Variants in BCHE observed in about 807,000 individuals in gnomAD.
BCHE encodes the protein cholinesterase.
In BCHE, 48 loss-of-function variants were observed where a neutral mutation model predicts 51.3. That is an observed-to-expected ratio of 0.94 (90% CI 0.74 to 1.19). The LOEUF is 1.19. Among genes scored for constraint, BCHE ranks in the 50% most tolerant of loss-of-function variants. BCHE has a pLI of 0.00. For missense variants in BCHE, 847 were observed against 708.2 expected (o/e 1.20, Z -2.23); for synonymous variants, 251 against 238.0 (o/e 1.05, Z -0.50).
At chr3:165,788,504 T>C (rs947711531) in intron 2 of BCHE, among the ~76,000 whole-genome samples, 34 of 152,024 alleles carry the variant, frequency 2.2e-4, no homozygotes, top group Admixed American at 2.2e-3. Context: ...TCTAGGTAAA[T>C]TATGTAGTCT....
intron 2 of BCHE, among the ~76,000 whole-genome samples, chr3:165,799,524 T>C (rs1438598653): frequency 6.6e-6 from 1 of 152,132 alleles, no homozygotes; most frequent in Non-Finnish European, 1.5e-5. Context: ...ATGTTGTATA[T>C]AGGGAAAGTA....
At chr3:165,786,054 A>T (rs1219031386) in intron 3 of BCHE, 91 bp downstream of exon 3, 16 of 1,335,096 alleles carry the variant, frequency 1.2e-5, no homozygotes, top group Admixed American at 1.7e-5. Context: ...ACATATAGTA[A>T]CTCCATCACC....
intron 2 of BCHE, among the ~76,000 whole-genome samples, chr3:165,823,476 A>T (rs1714604566): frequency 6.6e-6 from 1 of 152,098 alleles, no homozygotes; most frequent in African/African-American, 2.4e-5. Context: ...ATAATGGGCA[A>T]TGCAAACCTA....
chr3:165,803,726 T>C (rs1713756579), intron 2 of BCHE, among the ~76,000 whole-genome samples: 2 of 152,276 alleles, frequency 1.3e-5, no homozygotes, highest in South Asian at 2.1e-4. Flanking sequence ...GCAAGAGATA[T>C]AATGAAGTTT....
Position 165,786,462 on chromosome 3 carries a change from T to A in BCHE, c.1518-151A>T, listed in dbSNP as rs1712955845. The A allele has an allele frequency of 5.7e-6, 4 of 699,234 alleles. No homozygotes were observed. The South Asian group carries it at 8.1e-5, about 14-fold the overall frequency. 43.3% of individuals were successfully genotyped at this position (699,234 alleles called of 1,614,324 possible). A position where few individuals can be genotyped will look rare whatever the true frequency, so the allele number is the denominator to read the frequency against. ...TTGATGATATGAAACGTATGTGAAC[T>A]GGGCTTAGTGGTTTGAGCACTGAGA... On this transcript the variant is annotated intron_variant, in intron 2 of 3. Coordinates refer to ENST00000264381, the MANE Select transcript of BCHE (RefSeq NM_000055.4).
intron 3 of BCHE, among the ~76,000 whole-genome samples, chr3:165,778,001 G>A (rs1277788246): frequency 6.6e-6 from 1 of 151,888 alleles, no homozygotes; most frequent in African/African-American, 2.4e-5. Context: ...AGTCAAGTAG[G>A]CTTAATTAGT....
At chr3:165,796,624 C>T (rs1576846446) in intron 2 of BCHE, among the ~76,000 whole-genome samples, 1 of 152,044 alleles carries the variant, frequency 6.6e-6, no homozygotes, top group Middle Eastern at 3.4e-3. Flanking sequence ...TTTTTTAATC[C>T]TAAATTTCTA....
chr3:165,785,107 C>T (rs921903069), intron 3 of BCHE, among the ~76,000 whole-genome samples: 3 of 151,776 alleles, frequency 2.0e-5, no homozygotes, highest in African/African-American at 7.2e-5. Context: ...GTCTGATAAT[C>T]AAAAGGCATA....
intron 2 of BCHE, among the ~76,000 whole-genome samples, chr3:165,793,453 CTCAT>C (rs1241939564): frequency 6.6e-6 from 1 of 152,090 alleles, no homozygotes; most frequent in Non-Finnish European, 1.5e-5. Context: ...GAGGGTAAGT[CTCAT>C]TCAAACTATC....
intron 3 of BCHE, among the ~76,000 whole-genome samples, chr3:165,776,480 A>AAAAGG (rs1712475870): frequency 1.3e-5 from 2 of 151,924 alleles, no homozygotes; most frequent in Non-Finnish European, 2.9e-5. Context: ...ATTTTTTATG[A>AAAAGG]GAAAGGGAAA....
intron 2 of BCHE, among the ~76,000 whole-genome samples, chr3:165,802,628 GTT>G (rs57147802): frequency 3.6e-5 from 5 of 137,208 alleles, no homozygotes; most frequent in South Asian, 2.4e-4. Flanking sequence ...AGGAAAATTT[GTT>G]TTTTTTTTTT....
chr3:165,804,298 G>A (rs1405777637), intron 2 of BCHE, among the ~76,000 whole-genome samples: 1 of 152,100 alleles, frequency 6.6e-6, no homozygotes, highest in Non-Finnish European at 1.5e-5. Context: ...AATTATTAGT[G>A]AGTTTTGCTG....
chr3:165,825,832 T>C (rs902532943), intron 2 of BCHE, among the ~76,000 whole-genome samples: 1 of 151,932 alleles, frequency 6.6e-6, no homozygotes, highest in African/African-American at 2.4e-5. Flanking sequence ...CCAATAAAAA[T>C]TGGCAAAAGA....
At chr3:165,811,801 G>A (rs1714108487) in intron 2 of BCHE, among the ~76,000 whole-genome samples, 1 of 151,954 alleles carries the variant, frequency 6.6e-6, no homozygotes, top group South Asian at 2.1e-4. Context: ...GCCCAGTGAG[G>A]ATTAAGAAAT....
At chr3:165,815,145 T>A (rs1345519111) in intron 2 of BCHE, among the ~76,000 whole-genome samples, 2 of 151,278 alleles carry the variant, frequency 1.3e-5, no homozygotes, top group African/African-American at 4.8e-5. Context: ...TATCTGGCAA[T>A]ATTACTTACA....
At chr3:165,828,546 T>C (rs1327845494) in intron 2 of BCHE, among the ~76,000 whole-genome samples, 1 of 152,158 alleles carries the variant, frequency 6.6e-6, no homozygotes, top group African/African-American at 2.4e-5. Flanking sequence ...AATGTAACTA[T>C]CGGCATTTTG....
intron 2 of BCHE, among the ~76,000 whole-genome samples, chr3:165,820,803 A>G (rs1235546228): frequency 6.6e-6 from 1 of 152,006 alleles, no homozygotes; most frequent in Non-Finnish European, 1.5e-5. Context: ...CCTTACCTCT[A>G]TAACATTAAC....
At chr3:165,825,192 G>C (rs1714673663) in intron 2 of BCHE, among the ~76,000 whole-genome samples, 1 of 151,942 alleles carries the variant, frequency 6.6e-6, no homozygotes, top group Non-Finnish European at 1.5e-5. Context: ...ACACGTATAT[G>C]GTCAGTTGAT....
At chr3:165,786,532 A>T (rs904379541) in intron 2 of BCHE, among the ~76,000 whole-genome samples, 6 of 151,772 alleles carry the variant, frequency 4.0e-5, no homozygotes, top group Non-Finnish European at 7.4e-5. Flanking sequence ...TTTAAAGTTG[A>T]ATTTTTTATA....
Sources: allele counts gnomAD v4.1 joint callset (sites outside exome capture counted in the v4.1 genomes callset), GRCh38; gene constraint gnomAD v4.1.1; transcripts MANE v1.5; gene names NCBI Gene and HGNC (gene_info 2026-07-23, HGNC 2026-07-21).